Variants in PALS2 observed in about 807,000 individuals in gnomAD.
PALS2 encodes the protein protein PALS2.
A neutral mutation model predicts 61.6 loss-of-function variants in PALS2; 27 were observed. The observed-to-expected ratio is 0.44, with a 90% confidence interval of 0.32 to 0.60. The LOEUF (loss-of-function observed/expected upper bound fraction) is 0.60, where lower values mean the gene tolerates loss of function less well. Ranked by LOEUF, PALS2 falls within the 20% of genes least tolerant of loss-of-function variation. PALS2 has a pLI of 0.05. For synonymous variants in PALS2, 236 were observed against 218.6 expected (o/e 1.08, Z -0.70); for missense variants, 554 against 639.4 (o/e 0.87, Z 1.44).
At chr7:24,611,175 G>A (rs916229129) in intron 1 of PALS2, among the ~76,000 whole-genome samples, 28 of 152,048 alleles carry the variant, frequency 1.8e-4, no homozygotes, top group African/African-American at 6.3e-4. Flanking sequence ...GAATATAGGC[G>A]AATAAATAAC....
At chr7:24,629,716 C>CA (rs1376678602) in intron 2 of PALS2, among the ~76,000 whole-genome samples, 1 of 151,700 alleles carries the variant, frequency 6.6e-6, no homozygotes, top group Non-Finnish European at 1.5e-5. Context: ...AGCCAGCAGA[C>CA]ACATGAAAAA....
chr7:24,611,208 A>G (rs1235028178), intron 1 of PALS2, among the ~76,000 whole-genome samples: 1 of 152,146 alleles, frequency 6.6e-6, no homozygotes, highest in African/African-American at 2.4e-5. Context: ...TTTCCTTAAC[A>G]TAATAAACTG....
intron 2 of PALS2, among the ~76,000 whole-genome samples, chr7:24,626,915 A>G (rs1355919257): frequency 1.3e-5 from 2 of 152,200 alleles, no homozygotes; most frequent in African/African-American, 2.4e-5. Context: ...CCACACCATA[A>G]TAGTCGGAGA....
At chr7:24,636,212 CA>C (rs553687246) in intron 2 of PALS2, among the ~76,000 whole-genome samples, 5,752 of 65,374 alleles carry the variant, frequency 0.088, 110 homozygotes, top group Admixed American at 0.12. Context: ...AACTCTATCT[CA>C]AAAAAAAAAA....
intron 3 of PALS2, among the ~76,000 whole-genome samples, chr7:24,648,064 T>C (rs1785934480): frequency 1.3e-5 from 2 of 152,170 alleles, no homozygotes; most frequent in South Asian, 2.1e-4. Context: ...TCCTTACATA[T>C]GGATTTATGA....
intron 2 of PALS2, among the ~76,000 whole-genome samples, chr7:24,624,572 A>G (rs1033347809): frequency 5.9e-5 from 8 of 135,378 alleles, no homozygotes; most frequent in South Asian, 4.8e-4. Context: ...AAGGTTTTCT[A>G]TTAGTGAGAG....
At chr7:24,619,701 G>A (rs1295523557) in intron 1 of PALS2, among the ~76,000 whole-genome samples, 5 of 134,248 alleles carry the variant, frequency 3.7e-5, no homozygotes, top group African/African-American at 1.4e-4. Flanking sequence ...CTGGGCAACA[G>A]AGCGAGACTC....
intron 1 of PALS2, among the ~76,000 whole-genome samples, chr7:24,610,235 A>T (rs527931601): frequency 2.8e-4 from 42 of 152,268 alleles, no homozygotes; most frequent in African/African-American, 9.9e-4. Flanking sequence ...CCACTTTAGG[A>T]GGGTAAGTAA....
Position 24,691,405 on chromosome 7 carries a change from G to GTA in PALS2, c.*3830_*3831dup, listed in dbSNP as rs70942878. ...ATATTATGTATGTGTGTGTGTGTGT[G>GTA]TATATATATATATATATATATATAT... On this transcript the variant is annotated 3_prime_UTR_variant, in exon 12 of 12. Coordinates refer to ENST00000222644, the MANE Select transcript of PALS2 (RefSeq NM_001303037.2). The GTA allele has an allele frequency of 0.015, 1,688 of 110,374 alleles. 18 individuals are homozygous for GTA. Among genetic ancestry groups the GTA allele is most frequent in the Non-Finnish European group, 0.025 (1,278 of 52,140 alleles). 6.8% of individuals were successfully genotyped at this position (110,374 alleles called of 1,614,324 possible).
intron 2 of PALS2, among the ~76,000 whole-genome samples, chr7:24,633,989 C>G (rs988424134): frequency 6.6e-6 from 1 of 152,078 alleles, no homozygotes; most frequent in Non-Finnish European, 1.5e-5. Flanking sequence ...TATTGAGCAT[C>G]TTTTCATGTG....
At position 24,691,463 on chromosome 7, in the gene PALS2, T is replaced by G. The variant is rs944940682; in HGVS notation, c.*3849T>G. On this transcript the variant is annotated 3_prime_UTR_variant, in exon 12 of 12. Transcript: ENST00000222644. ...TATATATACAGCTATGTGTATAATA[T>G]GTAAAATTCTCCCAAAATGTATGAA... is the stretch of plus-strand genomic sequence containing the variant. 1 of 143,250 alleles carries G rather than the reference T, an allele frequency of 7.0e-6. No homozygotes were observed. The highest frequency in any genetic ancestry group is 2.5e-5 in the African/African-American group (1 of 39,222). 8.9% of individuals were successfully genotyped at this position (143,250 alleles called of 1,614,324 possible).
At chr7:24,600,347 A>G (rs923556155) in intron 1 of PALS2, among the ~76,000 whole-genome samples, 78 of 152,342 alleles carry the variant, frequency 5.1e-4, no homozygotes, top group African/African-American at 1.8e-3. Flanking sequence ...TATGTGGTAC[A>G]TGACTGTATC....
intron 9 of PALS2, among the ~76,000 whole-genome samples, chr7:24,669,534 A>G (rs563338236): frequency 6.6e-6 from 1 of 152,172 alleles, no homozygotes; most frequent in Non-Finnish European, 1.5e-5. Context: ...CTGTGCTTCT[A>G]TTTCTGACCA....
At chr7:24,669,465 A>G (rs564753471) in intron 9 of PALS2, among the ~76,000 whole-genome samples, 2 of 152,188 alleles carry the variant, frequency 1.3e-5, no homozygotes, top group Non-Finnish European at 2.9e-5. Context: ...TTGTGAACTT[A>G]GATGTTCTCT....
chr7:24,652,861 G>GAA (rs1213744228), intron 5 of PALS2, among the ~76,000 whole-genome samples: 1 of 152,158 alleles, frequency 6.6e-6, no homozygotes, highest in Admixed American at 6.5e-5. Flanking sequence ...ATCTTTATCA[G>GAA]AATCGTTTCA....
intron 5 of PALS2, among the ~76,000 whole-genome samples, chr7:24,655,214 G>T (rs1053556994): frequency 6.6e-6 from 1 of 152,154 alleles, no homozygotes; most frequent in Non-Finnish European, 1.5e-5. Flanking sequence ...TCAAGCTGCA[G>T]TAATTCCCTA....
intron 2 of PALS2, among the ~76,000 whole-genome samples, chr7:24,633,129 A>G (rs1160812771): frequency 6.6e-6 from 1 of 152,140 alleles, no homozygotes; most frequent in Non-Finnish European, 1.5e-5. Context: ...TAAGAAAAAT[A>G]AAAGATTTTA....
Position 24,623,615 on chromosome 7 carries a change from T to TTTTG in PALS2, c.-2-27_-2-24dup, listed in dbSNP as rs567037990. Reference sequence around the variant, plus strand: ...CCATAACGGCTTGAAATTTAAGGGTTTTTGTTTGTTTGTTTGTTTGTTTGT... The same window carrying TTTTG: ...CCATAACGGCTTGAAATTTAAGGGTTTTTGTTTGTTTGTTTGTTTGTTTGTTTGT... On this transcript the variant is annotated intron_variant, in intron 1 of 11. Coordinates refer to ENST00000222644, the MANE Select transcript of PALS2 (RefSeq NM_001303037.2). The TTTTG allele has an allele frequency of 8.9e-4, 1,032 of 1,154,070 alleles. 2 individuals are homozygous for TTTTG. Among genetic ancestry groups the TTTTG allele is most frequent in the African/African-American group, 8.0e-3 (509 of 63,658 alleles). The allele number at this position is 1,154,070 out of a possible 1,614,324, so 71.5% of individuals were successfully genotyped here. A position where few individuals can be genotyped will look rare whatever the true frequency, so the allele number is the denominator to read the frequency against.
At chr7:24,664,583 A>T (rs1197658910) in intron 6 of PALS2, among the ~76,000 whole-genome samples, 1 of 152,148 alleles carries the variant, frequency 6.6e-6, no homozygotes, top group African/African-American at 2.4e-5. Flanking sequence ...TAAATTATAG[A>T]TCTACTTCTA....
Sources: allele counts gnomAD v4.1 joint callset (sites outside exome capture counted in the v4.1 genomes callset), GRCh38; gene constraint gnomAD v4.1.1; transcripts MANE v1.5; gene names NCBI Gene and HGNC (gene_info 2026-07-23, HGNC 2026-07-21).